The following ABR variants were observed in gnomAD, a reference collection of about 807,000 sequenced individuals.
ABR encodes the protein active breakpoint cluster region-related protein.
A neutral mutation model predicts 107.2 loss-of-function variants in ABR; 35 were observed. The observed-to-expected ratio is 0.33, with a 90% CI of 0.25 to 0.43. ABR has a LOEUF of 0.43. Ranked by LOEUF, ABR falls within the 20% of genes least tolerant of loss-of-function variation. The pLI is 1.00. For missense variants in ABR, 815 were observed against 1,115.2 expected, an observed-to-expected ratio of 0.73 and a Z score of 3.83; for synonymous variants, 498 against 462.0, an observed-to-expected ratio of 1.08 and a Z score of -1.00.
chr17:1,087,521 G>A (rs957323228), intron 4 of ABR, among the ~76,000 whole-genome samples: 11 of 152,182 alleles, frequency 7.2e-5, no homozygotes, highest in African/African-American at 2.6e-4. Flanking sequence ...TTTAAAAGGG[G>A]GCAGGGCCGG....
At chr17:1,218,768 C>T (rs1334247616) in intron 1 of ABR, among the ~76,000 whole-genome samples, 3 of 152,170 alleles carry the variant, frequency 2.0e-5, no homozygotes, top group African/African-American at 4.8e-5. Context: ...TGAAATAATG[C>T]TGTAAGTGAT....
chr17:1,155,425 G>A (rs1189171075), intron 1 of ABR, among the ~76,000 whole-genome samples: 5 of 152,156 alleles, frequency 3.3e-5, no homozygotes, highest in Non-Finnish European at 4.4e-5. Flanking sequence ...AGACCTAAAT[G>A]TAACAGCTAA....
At position 1,192,742 on chromosome 17, in the gene ABR, G is replaced by C. The variant is rs189154286; in HGVS notation, c.838+36051C>G. ...AGCCTGGCCAACATGGTGAAACCCC[G>C]TCTCTACTAAAAATACAAAAAAATA... On this transcript the variant is annotated intron_variant, in intron 1 of 22. Transcript: ENST00000574139. 5.7e-3 allele frequency among the ~76,000 whole-genome samples: 871 copies of C among 152,084 alleles called. 6 individuals are homozygous for C. The highest frequency in any genetic ancestry group is 0.02 in the African/African-American group (815 of 41,470).
chr17:1,167,435 G>T (rs1243500030), intron 1 of ABR, among the ~76,000 whole-genome samples: 1 of 152,172 alleles, frequency 6.6e-6, no homozygotes, highest in South Asian at 2.1e-4. Context: ...CCACCTGCTC[G>T]GTGCCTAGCT....
At chr17:1,125,389 G>A in intron 1 of ABR, 22 bp from the exon 2 acceptor site, 1 of 1,610,450 alleles carries the variant, frequency 6.2e-7, no homozygotes, top group Non-Finnish European at 8.5e-7. Flanking sequence ...AACAAGAAAG[G>A]CCACTGAGAA....
Position 1,148,863 on chromosome 17 carries a change from G to T in ABR, c.62-23496C>A, listed in dbSNP as rs1033961959. 3.9e-5 allele frequency among the ~76,000 whole-genome samples: 6 copies of T among 152,132 alleles called. No homozygotes were observed. The highest frequency in any genetic ancestry group is 3.3e-4 in the Admixed American group (5 of 15,264). On this transcript the variant is annotated intron_variant, in intron 1 of 22. Transcript: ENST00000302538. This position sits in a 1 kb window ranked among gnomAD's most constrained non-coding sequence, Gnocchi z 4.9. ...GCGTACACTGGATGGAAAATTTTAG[G>T]CATGTGTATTTTGCCATGATTTTCT...
chr17:1,088,325 C>A (rs1285307779), intron 4 of ABR, among the ~76,000 whole-genome samples: 1 of 152,116 alleles, frequency 6.6e-6, no homozygotes, highest in African/African-American at 2.4e-5. Context: ...GGCCACTCAG[C>A]TCAGGTGAGC....
chr17:1,009,608 T>G (rs980118105), intron 21 of ABR, 71 bp downstream of exon 21: 1 of 1,404,906 alleles, frequency 7.1e-7, no homozygotes, highest in African/African-American at 1.4e-5. Context: ...GGAGGTGGGG[T>G]TGGGGCCCCT....
At chr17:1,193,615 G>A (rs772047696) in intron 1 of ABR, among the ~76,000 whole-genome samples, 2 of 152,132 alleles carry the variant, frequency 1.3e-5, no homozygotes, top group South Asian at 2.1e-4. Flanking sequence ...GGAAGAGCTC[G>A]GTTTCCAGCA....
rs549963682 is a variant in ABR at position 1,071,515 on chromosome 17, G to A, written c.894+1099C>T. 1.5e-3 allele frequency among the ~76,000 whole-genome samples: 226 copies of A among 152,322 alleles called. No individual in the cohort carries two copies. The highest frequency in any genetic ancestry group is 1.7e-3 in the Non-Finnish European group (117 of 68,030). ...TGCTTCCTGGTACTCCCCTTGCTGG[G>A]CTGTCCCCACCCTTGCATCAAGAAG... On this transcript the variant is annotated intron_variant, in intron 8 of 22. Coordinates refer to ENST00000302538, the MANE Select transcript of ABR (RefSeq NM_021962.5). The surrounding 1 kb of genome is among the most constrained non-coding windows in gnomAD (Gnocchi z 5.1).
intron 6 of ABR, chr17:1,079,027 G>A (rs760895955): frequency 1.1e-4 from 164 of 1,443,854 alleles, no homozygotes; most frequent in African/African-American, 1.6e-4. Context: ...AGGGAGGCGC[G>A]TGGCGAGGAG....
intron 1 of ABR, among the ~76,000 whole-genome samples, chr17:1,162,752 C>T (rs955491955): frequency 6.0e-5 from 9 of 149,690 alleles, no homozygotes; most frequent in African/African-American, 2.2e-4. Context: ...AGGCCAAGCA[C>T]CCCGGCTCAC....
upstream of ABR, among the ~76,000 whole-genome samples, chr17:1,187,652 G>A (rs995764426): frequency 4.6e-5 from 7 of 152,182 alleles, no homozygotes; most frequent in Admixed American, 6.5e-5. Flanking sequence ...CACTTTGGGA[G>A]GCCAGTGTGG....
At chr17:1,039,151 C>G (rs550859225) in intron 16 of ABR, among the ~76,000 whole-genome samples, 13 of 152,268 alleles carry the variant, frequency 8.5e-5, no homozygotes, top group African/African-American at 3.1e-4. Context: ...CTGACTGCAT[C>G]GGCTCCTGAG....
In ABR at chr17:1,210,865, G is replaced by A. The variant is rs112355265; in HGVS notation, c.838+17928C>T. Among the ~76,000 whole-genome samples, 3,329 of 152,212 alleles carry A rather than the reference G, an allele frequency of 0.022. 119 individuals carry two copies. The highest frequency in any genetic ancestry group is 0.076 in the African/African-American group (3,144 of 41,506). On this transcript the variant is annotated intron_variant, in intron 1 of 22. Coordinates refer to the ABR transcript ENST00000574139. This position sits in a 1 kb window ranked among gnomAD's most constrained non-coding sequence, Gnocchi z 5.6. ...ATCAACCTGTAGGGCCAGATGGACG[G>A]AAAGGGCCCTATATTTTAAAGGTGC...
intron 1 of ABR, among the ~76,000 whole-genome samples, chr17:1,223,837 C>G (rs1265521146): frequency 6.6e-6 from 1 of 152,182 alleles, no homozygotes; most frequent in Non-Finnish European, 1.5e-5. Flanking sequence ...GAGAACTCCC[C>G]TCGTGATCAG....
intron 16 of ABR, among the ~76,000 whole-genome samples, chr17:1,018,726 G>A (rs1257904563): frequency 3.3e-5 from 5 of 152,180 alleles, no homozygotes; most frequent in Non-Finnish European, 5.9e-5. Flanking sequence ...ATCCACACCT[G>A]ACTCACAGGG....
At chr17:1,177,104 C>T (rs148037427) in intron 1 of ABR, among the ~76,000 whole-genome samples, 2 of 152,280 alleles carry the variant, frequency 1.3e-5, no homozygotes, top group East Asian at 3.9e-4. Context: ...AGATTTGTCA[C>T]CCCAGGACTG....
chr17:1,133,074 C>T (rs1039134233), intron 1 of ABR, among the ~76,000 whole-genome samples: 1 of 152,064 alleles, frequency 6.6e-6, no homozygotes, highest in Non-Finnish European at 1.5e-5. Context: ...GAAACCCCAT[C>T]TCTACTAAAA....
Sources: gnomAD v4.1 joint callset for allele counts (sites outside exome capture counted in the v4.1 genomes callset) on GRCh38, gnomAD v4.1.1 for gene constraint, Gnocchi (gnomAD v3.1) non-coding constraint, MANE v1.5 for transcripts, NCBI Gene and HGNC (gene_info 2026-07-23, HGNC 2026-07-21) for gene names.